The following PUM2 variants were observed in gnomAD, a reference collection of about 807,000 sequenced individuals.
The protein encoded by PUM2 is pumilio homolog 2.
A neutral mutation model predicts 124.5 loss-of-function variants in PUM2; 57 were observed. The ratio of observed to expected loss-of-function variants is 0.46; its 90% CI spans 0.37 to 0.57. The LOEUF (loss-of-function observed/expected upper bound fraction) is 0.57. PUM2 is among the 20% of genes least tolerant of loss of function. The pLI, the probability that PUM2 is intolerant of heterozygous loss-of-function variation, is 0.00. For synonymous variants in PUM2, 460 were observed against 446.1 expected (o/e 1.03, Z -0.39); for missense variants, 1,065 against 1,290.6 (o/e 0.83, Z 2.68).
chr2:20,330,950 T>C (rs540453270), intron 1 of PUM2, among the ~76,000 whole-genome samples: 36 of 152,278 alleles, frequency 2.4e-4, no homozygotes, highest in South Asian at 1.0e-3. Flanking sequence ...GCAGGACTGA[T>C]TGCTTGATAC....
intron 1 of PUM2, among the ~76,000 whole-genome samples, chr2:20,336,386 T>C (rs1182233501): frequency 1.3e-5 from 2 of 152,110 alleles, no homozygotes; most frequent in African/African-American, 4.8e-5. Context: ...GGTTTTGCCA[T>C]GTTGCCCAGG....
intron 19 of PUM2, among the ~76,000 whole-genome samples, chr2:20,254,434 C>T (rs1664276347): frequency 6.6e-6 from 1 of 152,130 alleles, no homozygotes; most frequent in African/African-American, 2.4e-5. Flanking sequence ...GCTGGGATTA[C>T]ACGTGTGAGA....
At chr2:20,278,528 C>G in intron 13 of PUM2, 55 bp downstream of exon 13, 1 of 1,379,156 alleles carries the variant, frequency 7.3e-7, no homozygotes, top group East Asian at 2.3e-5. Flanking sequence ...AACACACACA[C>G]AAACACACAT....
chr2:20,312,430 G>C lies in PUM2; in HGVS notation c.161-7C>G, dbSNP rs767358371. 5.0e-6 allele frequency: 8 copies of C among 1,607,360 alleles called. No individual in the cohort carries two copies. The East Asian group carries it at 1.8e-4, about 36-fold the overall frequency. ...GGCTGGGACATTGAATGGTCTGTTT[G>C]GAAGAAAAAACACAATTATATACTT... is the stretch of plus-strand genomic sequence containing the variant. On this transcript the variant is annotated splice_region_variant and splice_polypyrimidine_tract_variant and intron_variant, in intron 3 of 20. Transcript: ENST00000361078.
At chr2:20,282,448 A>G (rs1023295311) in intron 12 of PUM2, among the ~76,000 whole-genome samples, 2 of 152,210 alleles carry the variant, frequency 1.3e-5, no homozygotes, top group African/African-American at 4.8e-5. Flanking sequence ...AGAACATTTC[A>G]GTATTTATAC....
chr2:20,327,477 T>C, intron 1 of PUM2, 99 bp from the exon 2 acceptor site: 1 of 727,564 alleles, frequency 1.4e-6, no homozygotes, highest in South Asian at 1.9e-5. Flanking sequence ...AATATTAGCA[T>C]GATCTGAGAA....
chr2:20,322,745 G>GGC (rs1358278932), intron 2 of PUM2, among the ~76,000 whole-genome samples: 1 of 152,186 alleles, frequency 6.6e-6, no homozygotes, highest in Admixed American at 6.5e-5. Flanking sequence ...AGAGGTTGCA[G>GGC]TAAGTTGAGA....
chr2:20,299,286 T>A (rs934611190), intron 7 of PUM2, among the ~76,000 whole-genome samples: 1 of 151,948 alleles, frequency 6.6e-6, no homozygotes, highest in Admixed American at 6.6e-5. Context: ...CCAGCTGGTG[T>A]CTCCTGCTTG....
intron 1 of PUM2, among the ~76,000 whole-genome samples, chr2:20,329,913 G>A (rs986080071): frequency 1.3e-5 from 2 of 151,890 alleles, no homozygotes; most frequent in Non-Finnish European, 2.9e-5. Flanking sequence ...TAAAAATATT[G>A]AAGAAACAAT....
intron 1 of PUM2, among the ~76,000 whole-genome samples, chr2:20,336,989 T>C (rs981710807): frequency 1.3e-5 from 2 of 152,128 alleles, no homozygotes; most frequent in African/African-American, 4.8e-5. Flanking sequence ...TAAGACATTA[T>C]ATGATTCATA....
chr2:20,253,441 G>A (rs543515435), intron 20 of PUM2, among the ~76,000 whole-genome samples: 3 of 152,050 alleles, frequency 2.0e-5, no homozygotes, highest in East Asian at 1.9e-4. Context: ...GGGCTCAAGT[G>A]GTCTCCCACC....
chr2:20,251,784 C>A, intron 20 of PUM2, 68 bp from the exon 21 acceptor site: 4 of 1,545,532 alleles, frequency 2.6e-6, no homozygotes, highest in African/African-American at 1.4e-5. Context: ...AAAAAGCACC[C>A]CCAATTCTGG....
chr2:20,309,612 T>C (rs1159216723), intron 5 of PUM2, among the ~76,000 whole-genome samples: 2 of 152,136 alleles, frequency 1.3e-5, no homozygotes, highest in East Asian at 1.9e-4. Flanking sequence ...AAATGTTTTA[T>C]ATAGGATCCT....
intron 20 of PUM2, 52 bp from the exon 21 acceptor site, chr2:20,251,768 T>G (rs1473993279): frequency 6.3e-7 from 1 of 1,586,240 alleles, no homozygotes; most frequent in Non-Finnish European, 8.6e-7. Context: ...AGTTTCTGAT[T>G]TCTTAAAAAA....
rs1325857393 is a variant in PUM2 at position 20,350,619 on chromosome 2, C to G, written c.-41G>C. 2.0e-6 allele frequency: 2 copies of G among 985,492 alleles called. No individual in the cohort carries two copies. Among genetic ancestry groups the G allele is most frequent in the East Asian group, 2.3e-4 (2 of 8,792 alleles). 61.0% of individuals were successfully genotyped at this position (985,492 alleles called of 1,614,324 possible). ...TACAGGGCTGCTGCGGCCGCGCTGC[C>G]TCAGCCGGGGACACCGACCGTTGGG... On this transcript the variant is annotated 5_prime_UTR_variant, in exon 1 of 21. Coordinates refer to ENST00000361078, the MANE Select transcript of PUM2 (RefSeq NM_015317.5).
At chr2:20,338,700 C>T (rs1038230061) in intron 1 of PUM2, among the ~76,000 whole-genome samples, 1 of 152,020 alleles carries the variant, frequency 6.6e-6, no homozygotes, top group African/African-American at 2.4e-5. Context: ...TGAGGGAAGT[C>T]AAAGGAATAC....
At chr2:20,283,571 C>G in intron 10 of PUM2, 85 bp from the exon 11 acceptor site, 1 of 1,322,736 alleles carries the variant, frequency 7.6e-7, no homozygotes, top group Admixed American at 2.2e-5. Flanking sequence ...ATTTTTTCAA[C>G]TAGACAACAC....
At position 20,308,419 on chromosome 2, in the gene PUM2, T is replaced by A. The variant is rs761979991; in HGVS notation, c.684A>T (p.Glu228Asp). ...NPETQNLDAMEQVGLESLQFD... is the reference protein window; with the variant it reads ...NPETQNLDAMDQVGLESLQFD... ...ACTGTAAGGATTCCAGACCAACTTG[T>A]TCCATGGCATCCAGATTCTGAGTTT... Residue 228 changes from glutamate to aspartate, a missense_variant, in exon 6 of 21, where the codon GAA (glutamate) becomes GAT (aspartate). By Grantham distance (45) the Glu-to-Asp change is conservative. This residue lies in a region of PUM2 where 968 missense variants were observed against 1,159.8 expected (regional missense o/e 0.83). Transcript: ENST00000361078. The A allele has an allele frequency of 6.2e-7, 1 of 1,614,138 alleles. No homozygotes were observed. Among genetic ancestry groups the A allele is most frequent in the South Asian group, 1.1e-5 (1 of 91,082 alleles).
intron 1 of PUM2, among the ~76,000 whole-genome samples, chr2:20,341,033 T>G (rs1354794419): frequency 6.6e-6 from 1 of 152,198 alleles, no homozygotes; most frequent in Admixed American, 6.5e-5. Context: ...ATAAAATTCT[T>G]TGGACTGGGC....
Sources: allele counts gnomAD v4.1 joint callset (sites outside exome capture counted in the v4.1 genomes callset), GRCh38; gene constraint gnomAD v4.1.1; regional missense constraint gnomAD v4.1.1; transcripts MANE v1.5; gene names NCBI Gene and HGNC (gene_info 2026-07-23, HGNC 2026-07-21).